Variants in SAP130 observed in about 807,000 individuals in gnomAD.
SAP130 encodes the protein histone deacetylase complex subunit SAP130.
SAP130 carries 16 observed loss-of-function variants against 103.2 expected under a neutral mutation model. That is an observed-to-expected ratio of 0.16 (90% confidence interval 0.10 to 0.24). The LOEUF (loss-of-function observed/expected upper bound fraction) is 0.24. Among genes scored for constraint, SAP130 ranks in the 10% least tolerant of loss-of-function variants. The pLI is 1.00. For missense variants in SAP130, 990 were observed against 1,359.7 expected (o/e 0.73, Z 4.28); for synonymous variants, 477 against 497.0 (o/e 0.96, Z 0.53).
rs377240674 is a variant in SAP130 at position 128,010,368 on chromosome 2, T to A, written c.770A>T (p.Asn257Ile). 1.9e-6 allele frequency: 3 copies of A among 1,613,884 alleles called. No homozygotes were observed. Among genetic ancestry groups the A allele is most frequent in the South Asian group, 2.2e-5 (2 of 91,034 alleles). Residue 257 changes from asparagine to isoleucine, a missense_variant, in exon 7 of 21, where the codon AAT becomes ATT. By Grantham distance (149) the Asn-to-Ile change is moderately radical. Coordinates refer to ENST00000643581, the MANE Select transcript of SAP130 (RefSeq NM_001330301.2). The stretch of plus-strand genomic sequence containing the variant: ...TGCTACCACAGCAGGAGGGATGGCA[T>A]TGGAGGTGGTCACAGGTGGCCGAGA... ...IQSRPPVTTS[N>I]AIPPAVVATV...
chr2:128,012,934 C>G, intron 6 of SAP130, 96 bp downstream of exon 6: 2 of 1,236,882 alleles, frequency 1.6e-6, no homozygotes, highest in Non-Finnish European at 2.1e-6. Flanking sequence ...GTCTTGGCAA[C>G]TAGATGGAAA....
chr2:127,942,054 G>A lies in SAP130; in HGVS notation c.3126C>T (p.Asn1042=), dbSNP rs776924885. The change falls in exon 21 of 21, where the codon AAC becomes AAT. Residue 1042 remains asparagine, a synonymous_variant. Coordinates refer to ENST00000643581, the MANE Select transcript of SAP130 (RefSeq NM_001330301.2). The surrounding 1 kb of genome is among the most constrained non-coding windows in gnomAD (Gnocchi z 4.8). ...ATTTGGACACTTTTTTGACAGTCCC[G>A]TTCTTGTTAAGCAGCTTCAGGACAC... ...KDRVLKLLNK[N]GTVKKVSKLK... is the part of the protein sequence containing the mutation. 8.1e-6 allele frequency: 13 copies of A among 1,608,494 alleles called. No individual in the cohort carries two copies. The highest frequency in any genetic ancestry group is 3.4e-5 in the Admixed American group (2 of 58,664).
intron 15 of SAP130, among the ~76,000 whole-genome samples, chr2:127,956,809 C>G (rs1443716822): frequency 2.0e-5 from 3 of 151,838 alleles, no homozygotes; most frequent in African/African-American, 7.3e-5. Flanking sequence ...AATTGGAGGG[C>G]ACCCACCTGG....
chr2:127,946,230 A>C (rs1573616236), intron 18 of SAP130, among the ~76,000 whole-genome samples: 1 of 152,180 alleles, frequency 6.6e-6, no homozygotes, highest in African/African-American at 2.4e-5. Flanking sequence ...AAGAAGTTCA[A>C]ACCTAAAGGT....
chr2:128,004,592 C>G (rs1265392212), intron 7 of SAP130, among the ~76,000 whole-genome samples: 1 of 151,984 alleles, frequency 6.6e-6, no homozygotes, highest in African/African-American at 2.4e-5. Flanking sequence ...CATAAACTGA[C>G]AGAGAAAACC....
chr2:127,947,058 CAG>C (rs1169868240), intron 18 of SAP130, among the ~76,000 whole-genome samples: 5 of 150,512 alleles, frequency 3.3e-5, no homozygotes, highest in South Asian at 2.1e-4. Context: ...ATGGGAGAGG[CAG>C]AGAGACACAG....
chr2:127,984,719 C>T (rs543446301), intron 14 of SAP130, among the ~76,000 whole-genome samples: 43 of 152,222 alleles, frequency 2.8e-4, no homozygotes, highest in African/African-American at 9.9e-4. Context: ...CAGCACTCCA[C>T]ACACACACGG....
intron 2 of SAP130, among the ~76,000 whole-genome samples, chr2:128,019,132 C>T (rs977258003): frequency 6.6e-6 from 1 of 151,878 alleles, no homozygotes; most frequent in African/African-American, 2.4e-5. Flanking sequence ...ATTTTAAGTA[C>T]GGTTCCTAAC....
Position 128,005,260 on chromosome 2 carries a change from T to C in SAP130, c.870-4806A>G, listed in dbSNP as rs769681185. On this transcript the variant is annotated intron_variant, in intron 7 of 20. Coordinates refer to ENST00000643581, the MANE Select transcript of SAP130 (RefSeq NM_001330301.2). ...GGAACATGAGAGACAATGCTGAAAATGCAGTCAAGGGCGGAGAAGAGTATG... is the reference window on the plus strand; with the variant it reads ...GGAACATGAGAGACAATGCTGAAAACGCAGTCAAGGGCGGAGAAGAGTATG... 7.5e-4 allele frequency among the ~76,000 whole-genome samples: 114 copies of C among 151,914 alleles called. 1 individual carries two copies. Among genetic ancestry groups the C allele is most frequent in the Non-Finnish European group, 6.9e-4 (47 of 67,982 alleles).
chr2:127,981,528 T>C (rs58505147), intron 14 of SAP130, among the ~76,000 whole-genome samples: 52 of 17,326 alleles, frequency 3.0e-3, no homozygotes, highest in Admixed American at 3.3e-3. Flanking sequence ...CCTGACTCAG[T>C]TCCCCCACCC....
Position 127,956,702 on chromosome 2 carries a change from TAAAA to T in SAP130, c.2064-1362_2064-1359del, listed in dbSNP as rs55931869. Among the ~76,000 whole-genome samples, 332 of 111,236 alleles carry T rather than the reference TAAAA, an allele frequency of 3.0e-3. 2 individuals carry two copies. Among genetic ancestry groups the T allele is most frequent in the African/African-American group, 0.01 (318 of 31,224 alleles). The allele number at this position is 111,236 out of a possible 152,430, so 73.0% of individuals were successfully genotyped here. A position where few individuals can be genotyped will look rare whatever the true frequency, so the allele number is the denominator to read the frequency against. ...ATGTACCCTAGAACTTAAAGTATAA[TAAAA>T]AAAAAAAAAAAAAAAAAGAAAGTTG... On this transcript the variant is annotated intron_variant, in intron 15 of 20. Transcript: ENST00000643581.
chr2:128,026,898 GC>G (rs1387590400), intron 1 of SAP130, among the ~76,000 whole-genome samples: 3 of 151,886 alleles, frequency 2.0e-5, no homozygotes, highest in African/African-American at 4.8e-5. Context: ...CCCTAAAATC[GC>G]CCCCCACTTT....
Position 128,010,386 on chromosome 2 carries a change from G to A in SAP130, c.752C>T (p.Pro251Leu). 6.2e-7 allele frequency: 1 copy of A among 1,610,648 alleles called. No individual in the cohort carries two copies. Among genetic ancestry groups the A allele is most frequent in the Non-Finnish European group, 8.5e-7 (1 of 1,178,774 alleles). The part of the protein sequence containing the change: ...HIIHQPIQSR[P>L]PVTTSNAIPP... ...GATGGCATTGGAGGTGGTCACAGGT[G>A]GCCGAGACTACCAAAAGAGAAAAAA... The change falls in exon 7 of 21, where the codon CCA (proline) becomes CTA (leucine). Residue 251 changes from proline to leucine, a missense_variant. This residue lies in a region of SAP130 where 336 missense variants were observed against 520.1 expected (regional missense o/e 0.65). Transcript: ENST00000643581.
At chr2:127,948,248 A>T (rs1679247287) in intron 18 of SAP130, among the ~76,000 whole-genome samples, 1 of 151,810 alleles carries the variant, frequency 6.6e-6, no homozygotes, top group Non-Finnish European at 1.5e-5. Context: ...TATGACAATA[A>T]CTAGTATGTA....
chr2:127,983,058 G>A (rs533205509), intron 14 of SAP130, among the ~76,000 whole-genome samples: 1 of 152,224 alleles, frequency 6.6e-6, no homozygotes, highest in South Asian at 2.1e-4. Context: ...CCAGGGAGCT[G>A]GAAAATCATT....
At chr2:127,993,153 C>T in intron 12 of SAP130, 34 bp downstream of exon 12, 1 of 1,611,074 alleles carries the variant, frequency 6.2e-7, no homozygotes, top group Non-Finnish European at 8.5e-7. Context: ...AAAAGTTAAA[C>T]TGTGAAAAGT....
rs372337440 is a variant in SAP130 at position 127,958,635 on chromosome 2, TGAGAGAGAGAGAGA to T, written c.2064-3305_2064-3292del. ...CTCATATATATGAGAGTGAGACAGATGAGAGAGAGAGAGAGAGAGAGAGAGAGAGAGAGAGAGAG... is the reference window on the plus strand; with the variant it reads ...CTCATATATATGAGAGTGAGACAGATGAGAGAGAGAGAGAGAGAGAGAGAG... On this transcript the variant is annotated intron_variant, in intron 15 of 20. Coordinates refer to ENST00000643581, the MANE Select transcript of SAP130 (RefSeq NM_001330301.2). 6.8e-3 allele frequency among the ~76,000 whole-genome samples: 869 copies of T among 127,422 alleles called. 4 individuals are homozygous for T. The highest frequency in any genetic ancestry group is 8.3e-3 in the Non-Finnish European group (508 of 61,398). 83.6% of individuals were successfully genotyped at this position (127,422 alleles called of 152,430 possible).
intron 15 of SAP130, among the ~76,000 whole-genome samples, chr2:127,959,185 A>G (rs1272188213): frequency 6.6e-6 from 1 of 152,188 alleles, no homozygotes; most frequent in Non-Finnish European, 1.5e-5. Context: ...CACGGCAGTC[A>G]GTTCCCTGGA....
chr2:127,960,237 T>C (rs1680143037), intron 15 of SAP130, among the ~76,000 whole-genome samples: 1 of 151,784 alleles, frequency 6.6e-6, no homozygotes, highest in South Asian at 2.1e-4. Context: ...ATCAAGGGGG[T>C]AAATCAAGAA....
Sources: allele counts gnomAD v4.1 joint callset (sites outside exome capture counted in the v4.1 genomes callset), GRCh38; gene constraint gnomAD v4.1.1; regional missense constraint gnomAD v4.1.1; non-coding constraint Gnocchi (gnomAD v3.1); transcripts MANE v1.5; gene names NCBI Gene and HGNC (gene_info 2026-07-23, HGNC 2026-07-21).